Variants in SHC3 observed in about 807,000 individuals in gnomAD.
SHC3 encodes SHC-transforming protein 3.
Under a neutral mutation model 60.4 loss-of-function variants are expected in SHC3, and 15 were observed. The observed-to-expected ratio is 0.25, with a 90% CI of 0.17 to 0.38. The LOEUF is 0.38. Among genes scored for constraint, SHC3 ranks in the 10% least tolerant of loss-of-function variants. The pLI, the probability that SHC3 is intolerant of heterozygous loss-of-function variation, is 1.00. For missense variants in SHC3, 677 were observed against 786.1 expected (o/e 0.86, Z 1.66); for synonymous variants, 294 against 325.9 (o/e 0.90, Z 1.05).
chr9:89,088,365 G>A (rs1037998706), intron 2 of SHC3, among the ~76,000 whole-genome samples: 1 of 152,166 alleles, frequency 6.6e-6, no homozygotes, highest in African/African-American at 2.4e-5. Context: ...ATGTTTGCCT[G>A]TAACTTCTAT....
intron 2 of SHC3, among the ~76,000 whole-genome samples, chr9:89,098,784 G>A (rs1564141860): frequency 1.3e-5 from 2 of 151,222 alleles, no homozygotes; most frequent in Admixed American, 6.6e-5. Flanking sequence ...GCACTCCAGC[G>A]TGGGTGAGAA....
At chr9:89,058,925 G>A (rs934179170) in intron 6 of SHC3, among the ~76,000 whole-genome samples, 1 of 150,588 alleles carries the variant, frequency 6.6e-6, no homozygotes, top group Admixed American at 6.6e-5. Flanking sequence ...GGATGGTGGT[G>A]TTAGGACGTG....
chr9:89,024,142 A>G (rs1359083645), intron 11 of SHC3, among the ~76,000 whole-genome samples: 1 of 152,194 alleles, frequency 6.6e-6, no homozygotes, highest in Non-Finnish European at 1.5e-5. Context: ...TCCAATCAGA[A>G]ACAAACAGCC....
At chr9:89,037,873 G>A in intron 11 of SHC3, 120 bp downstream of exon 11, 1 of 1,283,118 alleles carries the variant, frequency 7.8e-7, no homozygotes, top group South Asian at 1.4e-5. Context: ...TCCCCTGGAG[G>A]ACTCAGTAGG....
At chr9:89,051,943 G>A in intron 7 of SHC3, 94 bp downstream of exon 7, 1 of 1,533,742 alleles carries the variant, frequency 6.5e-7, no homozygotes, top group South Asian at 1.2e-5. Context: ...GATTAATTGT[G>A]CCTGTCCAGA....
At chr9:89,122,050 A>G (rs543081281) in intron 1 of SHC3, among the ~76,000 whole-genome samples, 1 of 152,304 alleles carries the variant, frequency 6.6e-6, no homozygotes, top group African/African-American at 2.4e-5. Context: ...ATGCTCTTGA[A>G]ATTCTTCCAC....
chr9:89,157,549 G>T (rs972335203), intron 1 of SHC3, among the ~76,000 whole-genome samples: 1 of 152,178 alleles, frequency 6.6e-6, no homozygotes, highest in African/African-American at 2.4e-5. Context: ...GTGGTCATTT[G>T]TTAGATTGGC....
chr9:89,038,103 CT>C lies in SHC3; in HGVS notation c.1545del (p.Asp516ThrfsTer56). The C allele has an allele frequency of 6.2e-7, 1 of 1,614,148 alleles. No homozygotes were observed. The highest frequency in any genetic ancestry group is 8.5e-7 in the Non-Finnish European group (1 of 1,180,036). On this transcript the variant is annotated frameshift_variant, in exon 11 of 12. Transcript: ENST00000375835. LOFTEE classifies it high-confidence loss of function. The stretch of plus-strand genomic sequence containing the variant: ...CTCTTCCTGACCAGGAAGTCTCCGT[CT>C]TTCTCCAGCAGCCCCTCTGCCTCCT... ...SRKEAEGLLE[K>X]DGDFLVRKST...
chr9:89,132,994 T>G (rs556504628), intron 1 of SHC3, among the ~76,000 whole-genome samples: 7 of 152,056 alleles, frequency 4.6e-5, no homozygotes, highest in African/African-American at 1.7e-4. Flanking sequence ...GGGAGAAAAT[T>G]TTTACAATCT....
At position 89,118,220 on chromosome 9, in the gene SHC3, A is replaced by G. The variant is rs950017002; in HGVS notation, c.475-5594T>C. ...AATTTTTTCCATTCCGTCTCTACCTATTTTTTTTTTTTTTTTGCTAACAGA... is the reference window on the plus strand; with the variant it reads ...AATTTTTTCCATTCCGTCTCTACCTGTTTTTTTTTTTTTTTTGCTAACAGA... On this transcript the variant is annotated intron_variant, in intron 1 of 11. Transcript: ENST00000375835. 8.4e-5 allele frequency among the ~76,000 whole-genome samples: 11 copies of G among 130,426 alleles called. No homozygotes were observed. The South Asian group carries it at 2.7e-3, about 31-fold the overall frequency. 85.6% of individuals were successfully genotyped at this position (130,426 alleles called of 152,430 possible).
intron 4 of SHC3, among the ~76,000 whole-genome samples, chr9:89,072,467 A>C (rs1304529466): frequency 6.6e-6 from 1 of 152,160 alleles, no homozygotes; most frequent in Non-Finnish European, 1.5e-5. Context: ...GAAAGCCAGC[A>C]TCCAAGATTC....
At chr9:89,143,867 C>T (rs926385914) in intron 1 of SHC3, among the ~76,000 whole-genome samples, 2 of 152,140 alleles carry the variant, frequency 1.3e-5, no homozygotes, top group Non-Finnish European at 2.9e-5. Flanking sequence ...ATATATCCCT[C>T]ATTTTCAGGC....
At chr9:89,071,357 G>A in intron 4 of SHC3, 105 bp from the exon 5 acceptor site, 1 of 1,106,736 alleles carries the variant, frequency 9.0e-7, no homozygotes. Context: ...ATGTTTTCCT[G>A]AAAATTGGTA....
chr9:89,021,753 CTACTTCCGCA>C (rs1826204485), intron 11 of SHC3, among the ~76,000 whole-genome samples: 1 of 152,168 alleles, frequency 6.6e-6, no homozygotes, highest in South Asian at 2.1e-4. Flanking sequence ...AGATGGAGGG[CTACTTCCGCA>C]TTGCCTGTTG....
intron 2 of SHC3, among the ~76,000 whole-genome samples, chr9:89,111,698 T>C (rs1360456532): frequency 6.6e-6 from 1 of 152,244 alleles, no homozygotes; most frequent in Non-Finnish European, 1.5e-5. Flanking sequence ...TAGCAGCTAA[T>C]GACTAAACCA....
intron 1 of SHC3, among the ~76,000 whole-genome samples, chr9:89,170,937 A>G (rs1826860384): frequency 6.6e-6 from 1 of 152,170 alleles, no homozygotes; most frequent in African/African-American, 2.4e-5. Context: ...TTTGGTATCC[A>G]TGGGGTTCCT....
intron 6 of SHC3, among the ~76,000 whole-genome samples, chr9:89,062,451 A>C (rs1825106771): frequency 6.6e-6 from 1 of 152,214 alleles, no homozygotes; most frequent in African/African-American, 2.4e-5. Context: ...CTTTCACTGG[A>C]TTAACTATAG....
intron 11 of SHC3, among the ~76,000 whole-genome samples, chr9:89,035,152 C>T (rs1382370404): frequency 6.6e-6 from 1 of 152,184 alleles, no homozygotes; most frequent in Non-Finnish European, 1.5e-5. Flanking sequence ...ATTGCGATGG[C>T]CCTCTGGTGT....
At chr9:89,156,161 T>TG in intron 1 of SHC3, among the ~76,000 whole-genome samples, 1 of 152,282 alleles carries the variant, frequency 6.6e-6, no homozygotes, top group Admixed American at 6.5e-5. Flanking sequence ...CTGCATACTC[T>TG]GGGGGAAGCC....
Sources: allele counts gnomAD v4.1 joint callset (sites outside exome capture counted in the v4.1 genomes callset), GRCh38; gene constraint gnomAD v4.1.1; transcripts MANE v1.5; gene names NCBI Gene and HGNC (gene_info 2026-07-23, HGNC 2026-07-21).